The following PRMT8 variants were observed in gnomAD, a reference collection of about 807,000 sequenced individuals.
The protein encoded by PRMT8 is protein arginine methyltransferase 8.
A neutral mutation model predicts 47.1 loss-of-function variants in PRMT8; 7 were observed. The observed-to-expected ratio is 0.15, with a 90% CI of 0.08 to 0.28. The LOEUF is 0.28. Ranked by LOEUF, PRMT8 falls within the 10% of genes least tolerant of loss-of-function variation. The pLI is 1.00. For missense variants in PRMT8, 237 were observed against 505.4 expected (o/e 0.47, Z 5.09); for synonymous variants, 188 against 186.5 (o/e 1.01, Z -0.07).
chr12:3,427,511 G>C (rs947525607), intron 1 of PRMT8, among the ~76,000 whole-genome samples: 3 of 151,542 alleles, frequency 2.0e-5, no homozygotes, highest in African/African-American at 7.3e-5. Flanking sequence ...ATTTAATGTA[G>C]GTAAAAATTC....
chr12:3,490,679 GA>G (rs1239996212), upstream of PRMT8, among the ~76,000 whole-genome samples: 1 of 20,878 alleles, frequency 4.8e-5, no homozygotes, highest in East Asian at 1.1e-3. Flanking sequence ...GGTACAAAGA[GA>G]GAGAGAGAGA....
chr12:3,515,518 TAATAA>T (rs1865777426), intron 1 of PRMT8, among the ~76,000 whole-genome samples: 2 of 152,148 alleles, frequency 1.3e-5, no homozygotes, highest in Non-Finnish European at 2.9e-5. Flanking sequence ...AGTATAATAA[TAATAA>T]AATAAAAAAA....
intron 1 of PRMT8, among the ~76,000 whole-genome samples, chr12:3,431,589 G>A (rs574554584): frequency 6.6e-6 from 1 of 152,110 alleles, no homozygotes; most frequent in African/African-American, 2.4e-5. Flanking sequence ...CAAGGGAATG[G>A]CATCCCAGAG....
chr12:3,491,382 G>A lies in PRMT8; in HGVS notation c.-244G>A. 4.9e-6 allele frequency: 6 copies of A among 1,224,332 alleles called. No individual in the cohort carries two copies. Among genetic ancestry groups the A allele is most frequent in the Non-Finnish European group, 6.1e-6 (6 of 980,348 alleles). The allele number at this position is 1,224,332 out of a possible 1,614,324, so 75.8% of individuals were successfully genotyped here. A position where few individuals can be genotyped will look rare whatever the true frequency, so the allele number is the denominator to read the frequency against. On this transcript the variant is annotated 5_prime_UTR_variant, in exon 1 of 10. Coordinates refer to ENST00000382622, the MANE Select transcript of PRMT8 (RefSeq NM_019854.5). ...GTGGAGAGGGGCGGGGAGGGGGTCG[G>A]GGGCACGAGAAGAACTTGAAACCGT...
At chr12:3,568,592 T>C in intron 4 of PRMT8, 114 bp from the exon 5 acceptor site, 2 of 1,225,948 alleles carry the variant, frequency 1.6e-6, no homozygotes, top group African/African-American at 1.5e-5. Flanking sequence ...CATCATATCC[T>C]AAAAGTAGAA....
intron 4 of PRMT8, among the ~76,000 whole-genome samples, chr12:3,559,761 G>T (rs758810511): frequency 6.6e-6 from 1 of 152,200 alleles, no homozygotes; most frequent in Non-Finnish European, 1.5e-5. Flanking sequence ...CCCTTGCTGG[G>T]CAGCGTCCCA....
rs984632899 is a variant in PRMT8 at position 3,569,170 on chromosome 12, G to C, written c.625-307G>C. On this transcript the variant is annotated intron_variant, in intron 5 of 9. Coordinates refer to ENST00000382622, the MANE Select transcript of PRMT8 (RefSeq NM_019854.5). This position sits in a 1 kb window ranked among gnomAD's most constrained non-coding sequence, Gnocchi z 8.2. ...AGGACTTGCATGGCTGCCAGAGCCA[G>C]GTGTGCTATTCATCTGGGCTTCTCC... 6.6e-6 allele frequency among the ~76,000 whole-genome samples: 1 copy of C among 152,210 alleles called. No individual in the cohort carries two copies. The highest frequency in any genetic ancestry group is 2.4e-5 in the African/African-American group (1 of 41,450).
At chr12:3,385,304 C>A (rs993628352) in intron 1 of PRMT8, among the ~76,000 whole-genome samples, 2 of 152,214 alleles carry the variant, frequency 1.3e-5, no homozygotes, top group African/African-American at 4.8e-5. Flanking sequence ...CCAGAATCAG[C>A]ATAAGCTGCT....
chr12:3,410,031 T>C (rs1313365034), intron 1 of PRMT8, among the ~76,000 whole-genome samples: 1 of 152,192 alleles, frequency 6.6e-6, no homozygotes, highest in African/African-American at 2.4e-5. Flanking sequence ...CTGTAACATA[T>C]ACCTTCAAGT....
chr12:3,454,512 G>A (rs1468598019), intron 1 of PRMT8, among the ~76,000 whole-genome samples: 1 of 152,150 alleles, frequency 6.6e-6, no homozygotes, highest in Non-Finnish European at 1.5e-5. Flanking sequence ...CACAAAAGAA[G>A]CCCGTCATGC....
At position 3,508,816 on chromosome 12, in the gene PRMT8, C is replaced by T. The variant is rs143483084; in HGVS notation, c.75+17116C>T. ...AGATGTCTCATAGGCACCTCAGGTT[C>T]GCTGGGTTGCCTCCGGAGTCCTGCC... On this transcript the variant is annotated intron_variant, in intron 1 of 9. Coordinates refer to ENST00000382622, the MANE Select transcript of PRMT8 (RefSeq NM_019854.5). The surrounding 1 kb of genome is among the most constrained non-coding windows in gnomAD (Gnocchi z 4.9). 9.6e-4 allele frequency among the ~76,000 whole-genome samples: 147 copies of T among 152,346 alleles called. No individual in the cohort carries two copies. Among genetic ancestry groups the T allele is most frequent in the African/African-American group, 3.4e-3 (141 of 41,574 alleles).
intron 1 of PRMT8, among the ~76,000 whole-genome samples, chr12:3,507,342 C>T (rs1005926043): frequency 1.3e-5 from 2 of 151,988 alleles, no homozygotes; most frequent in African/African-American, 4.8e-5. Flanking sequence ...AGGATGGTCT[C>T]GATCTCCTGA....
chr12:3,522,648 TAAA>T (rs57112104), intron 1 of PRMT8, among the ~76,000 whole-genome samples: 54 of 130,998 alleles, frequency 4.1e-4, no homozygotes, highest in Admixed American at 2.4e-3. Context: ...GAGACTCCAT[TAAA>T]AAAAAAAAAA....
At chr12:3,430,706 A>G (rs549761706) in intron 1 of PRMT8, among the ~76,000 whole-genome samples, 2 of 152,362 alleles carry the variant, frequency 1.3e-5, no homozygotes, top group South Asian at 4.1e-4. Flanking sequence ...TATTCATACT[A>G]TAATATACTT....
At chr12:3,530,107 C>T (rs775377088) in intron 1 of PRMT8, among the ~76,000 whole-genome samples, 1 of 152,130 alleles carries the variant, frequency 6.6e-6, no homozygotes, top group African/African-American at 2.4e-5. Flanking sequence ...TTTTGAGTAC[C>T]ACTGAACCCT....
intron 1 of PRMT8, among the ~76,000 whole-genome samples, chr12:3,481,575 C>T (rs540951560): frequency 1.3e-5 from 2 of 152,168 alleles, no homozygotes; most frequent in South Asian, 2.1e-4. Flanking sequence ...TAGCCCTCGA[C>T]CACCTCATGA....
At chr12:3,397,701 GAGGC>G (rs1429176677) in intron 1 of PRMT8, among the ~76,000 whole-genome samples, 1 of 152,132 alleles carries the variant, frequency 6.6e-6, no homozygotes, top group South Asian at 2.1e-4. Context: ...GGAGCCTACA[GAGGC>G]AGGCAGGCCT....
chr12:3,505,286 G>A (rs552817535), intron 1 of PRMT8, among the ~76,000 whole-genome samples: 3 of 152,282 alleles, frequency 2.0e-5, no homozygotes, highest in Admixed American at 2.0e-4. Flanking sequence ...TTAGGACTTC[G>A]ACACATGTTT....
chr12:3,513,758 G>C (rs1865747046), intron 1 of PRMT8, among the ~76,000 whole-genome samples: 1 of 152,172 alleles, frequency 6.6e-6, no homozygotes, highest in Admixed American at 6.5e-5. Context: ...CTGGAGATGA[G>C]AGCCAGAATA....
Sources: allele counts gnomAD v4.1 joint callset (sites outside exome capture counted in the v4.1 genomes callset), GRCh38; gene constraint gnomAD v4.1.1; non-coding constraint Gnocchi (gnomAD v3.1); transcripts MANE v1.5; gene names NCBI Gene and HGNC (gene_info 2026-07-23, HGNC 2026-07-21).